The following SLC13A2 variants were observed in gnomAD, a reference collection of about 807,000 sequenced individuals.
The protein encoded by SLC13A2 is solute carrier family 13 member 2, also known as Na(+)-coupled citrate transporter.
A neutral mutation model predicts 58.5 loss-of-function variants in SLC13A2; 40 were observed. That is an observed-to-expected ratio of 0.68 (90% confidence interval 0.53 to 0.89). SLC13A2 has a LOEUF of 0.89. SLC13A2 is among the 40% of genes least tolerant of loss of function. SLC13A2 has a pLI of 0.00. For synonymous variants in SLC13A2, 341 were observed against 331.6 expected (o/e 1.03, Z -0.31); for missense variants, 694 against 772.6 (o/e 0.90, Z 1.21).
rs1267737398 is a variant in SLC13A2, at chr17:28,496,348, G to C, written c.1471-102G>C. 6.9e-7 allele frequency: 1 copy of C among 1,446,502 alleles called. No homozygotes were observed. Among genetic ancestry groups the C allele is most frequent in the East Asian group, 2.3e-5 (1 of 42,606 alleles). 89.6% of individuals were successfully genotyped at this position (1,446,502 alleles called of 1,614,324 possible). A position where few individuals can be genotyped will look rare whatever the true frequency, so the allele number is the denominator to read the frequency against. On this transcript the variant is annotated intron_variant, in intron 10 of 11. Transcript: ENST00000314669. The surrounding 1 kb of genome is among the most constrained non-coding windows in gnomAD (Gnocchi z 4.2). Reference sequence around the variant, plus strand: ...GCTCATGACCAGAGAGTGTATTAGGGTACAGGGGTTGTTCCCCAGAGAAGC... The same window carrying C: ...GCTCATGACCAGAGAGTGTATTAGGCTACAGGGGTTGTTCCCCAGAGAAGC...
chr17:28,475,164 G>C (rs898401820), intron 1 of SLC13A2, among the ~76,000 whole-genome samples: 1 of 152,184 alleles, frequency 6.6e-6, no homozygotes, highest in Non-Finnish European at 1.5e-5. Flanking sequence ...AATTCCCCTC[G>C]ACCTGGGGAA....
Position 28,494,388 on chromosome 17 carries a change from T to C in SLC13A2, c.1187-3T>C, listed in dbSNP as rs782216704. The C allele has an allele frequency of 1.9e-6, 3 of 1,614,088 alleles. No homozygotes were observed. The South Asian group carries it at 3.3e-5, about 18-fold the overall frequency. Reference sequence around the variant, plus strand: ...GACCCATCCTTCTCTGCTTGGGAAGTAGAAAACCCAGGGAAGCTGAAGGCC... The same window carrying C: ...GACCCATCCTTCTCTGCTTGGGAAGCAGAAAACCCAGGGAAGCTGAAGGCC... On this transcript the variant is annotated splice_polypyrimidine_tract_variant and splice_region_variant and intron_variant, in intron 8 of 11. Transcript: ENST00000314669. The surrounding 1 kb of genome is among the most constrained non-coding windows in gnomAD (Gnocchi z 4.0).
chr17:28,480,096 A>G (rs1230448373), intron 1 of SLC13A2, among the ~76,000 whole-genome samples: 1 of 151,732 alleles, frequency 6.6e-6, no homozygotes, highest in East Asian at 1.9e-4. Flanking sequence ...AGAGACTGCA[A>G]TGAGCCAAGA....
At chr17:28,475,740 C>T (rs1555599794) in intron 1 of SLC13A2, among the ~76,000 whole-genome samples, 1 of 152,172 alleles carries the variant, frequency 6.6e-6, no homozygotes, top group East Asian at 1.9e-4. Context: ...GCCGTGCTGT[C>T]TTCTCTTGGC....
intron 1 of SLC13A2, among the ~76,000 whole-genome samples, chr17:28,480,194 A>C (rs1012055093): frequency 6.6e-6 from 1 of 151,318 alleles, no homozygotes; most frequent in African/African-American, 2.4e-5. Flanking sequence ...TTAGCTGGGC[A>C]TGGTGGCGCG....
chr17:28,493,380 G>T (rs1246875754), intron 6 of SLC13A2, among the ~76,000 whole-genome samples, 191 bp from the exon 7 acceptor site: 1 of 152,202 alleles, frequency 6.6e-6, no homozygotes, highest in African/African-American at 2.4e-5. Context: ...CAAGCATGGA[G>T]AATAAGCAAG....
chr17:28,497,447 T>C lies in SLC13A2; in HGVS notation c.*178T>C, dbSNP rs782170696. The C allele has an allele frequency of 3.7e-5, 25 of 678,176 alleles. No homozygotes were observed. The highest frequency in any genetic ancestry group is 5.4e-5 in the Non-Finnish European group (22 of 409,364). The allele number at this position is 678,176 out of a possible 1,614,324, so 42.0% of individuals were successfully genotyped here. On this transcript the variant is annotated 3_prime_UTR_variant, in exon 12 of 12. Transcript: ENST00000314669. ...GGTGTATGCTCAGTTTCCTATGTGC[T>C]GGAATAAAAGGTGTGTGCATGTGTG... is the stretch of plus-strand genomic sequence containing the variant.
At chr17:28,479,107 G>A (rs1315712624) in intron 1 of SLC13A2, among the ~76,000 whole-genome samples, 3 of 152,124 alleles carry the variant, frequency 2.0e-5, no homozygotes, top group African/African-American at 7.2e-5. Flanking sequence ...CCACCTACTT[G>A]GGAGGCTGAG....
chr17:28,484,605 CA>C (rs1276995538), intron 1 of SLC13A2, among the ~76,000 whole-genome samples: 53 of 152,136 alleles, frequency 3.5e-4, no homozygotes, highest in African/African-American at 1.3e-3. Flanking sequence ...AGGGGAGGTG[CA>C]AATTAAACAG....
Position 28,493,673 on chromosome 17 carries a change from T to C in SLC13A2, c.981T>C (p.Phe327=), listed in dbSNP as rs2069075728. 6.2e-7 allele frequency: 1 copy of C among 1,614,146 alleles called. No homozygotes were observed. The highest frequency in any genetic ancestry group is 1.1e-5 in the South Asian group (1 of 91,092). ...TEHRLLGPMT[F]AEKAISILFV... is the part of the protein sequence containing the mutation. ...ACAGGCTGCTGGGCCCCATGACCTTTGCAGAAAAGGCCATCAGCATCCTAT... is the reference window on the plus strand; with the variant it reads ...ACAGGCTGCTGGGCCCCATGACCTTCGCAGAAAAGGCCATCAGCATCCTAT... Residue 327 remains phenylalanine, a synonymous_variant, in exon 7 of 12, where the codon TTT becomes TTC. Coordinates refer to ENST00000314669, the MANE Select transcript of SLC13A2 (RefSeq NM_003984.4).
rs1251199584 is a variant in SLC13A2 at position 28,477,186 on chromosome 17, G to GTTT, written c.102+3376_102+3378dup. Among the ~76,000 whole-genome samples the GTTT allele has an allele frequency of 2.8e-4, 33 of 119,428 alleles. 1 individual carries two copies. Among genetic ancestry groups the GTTT allele is most frequent in the African/African-American group, 6.5e-4 (19 of 29,362 alleles). 78.3% of individuals were successfully genotyped at this position (119,428 alleles called of 152,430 possible). A position where few individuals can be genotyped will look rare whatever the true frequency, so the allele number is the denominator to read the frequency against. ...AAAAAAACAAATAAAAAACACCCAA[G>GTTT]TTTTTTGTTTTTTTTTTTTTTTTTT... On this transcript the variant is annotated intron_variant, in intron 1 of 11. Coordinates refer to ENST00000314669, the MANE Select transcript of SLC13A2 (RefSeq NM_003984.4).
rs1339843881 is a variant in SLC13A2, at chr17:28,490,885, C to T, written c.553C>T (p.Gln185Ter). ...CTTCGAGCTCCAGGAACCAAGTCCC[C>T]AGAAGGAGGTGACCAAGCTTGGTGA... is the stretch of plus-strand genomic sequence containing the variant. Reference protein sequence around the residue: ...PTFELQEPSPQKEVTKLDNGQ... With the variant: ...PTFELQEPSP The change falls in exon 4 of 12, where the codon CAG becomes TAG. Residue 185 changes from glutamine (Q) to a stop codon, truncating the protein, a stop_gained. Coordinates refer to ENST00000314669, the MANE Select transcript of SLC13A2 (RefSeq NM_003984.4). LOFTEE classifies it high-confidence loss of function. The T allele has an allele frequency of 4.3e-6, 7 of 1,613,740 alleles. No individual in the cohort carries two copies. Among genetic ancestry groups the T allele is most frequent in the Non-Finnish European group, 5.1e-6 (6 of 1,179,930 alleles).
At position 28,491,425 on chromosome 17, in the gene SLC13A2, C is replaced by T; in HGVS notation, c.575-12C>T. The T allele has an allele frequency of 6.2e-7, 1 of 1,613,078 alleles. No homozygotes were observed. Among genetic ancestry groups the T allele is most frequent in the South Asian group, 1.1e-5 (1 of 90,990 alleles). On this transcript the variant is annotated splice_polypyrimidine_tract_variant and intron_variant, in intron 4 of 11. Coordinates refer to ENST00000314669, the MANE Select transcript of SLC13A2 (RefSeq NM_003984.4). Reference sequence around the variant, plus strand: ...TGTACCTGCCCCCACCTGGGCTCTCCCTTGTTCCCAGATAATGGGCAGGCC... The same window carrying T: ...TGTACCTGCCCCCACCTGGGCTCTCTCTTGTTCCCAGATAATGGGCAGGCC...
chr17:28,488,435 C>T (rs2068930347), intron 1 of SLC13A2, among the ~76,000 whole-genome samples: 1 of 152,208 alleles, frequency 6.6e-6, no homozygotes, highest in African/African-American at 2.4e-5. Context: ...GGGAAGCCTC[C>T]TGGCTAATGA....
chr17:28,489,843 C>A (rs9896507), intron 2 of SLC13A2, among the ~76,000 whole-genome samples: 7,969 of 152,242 alleles, frequency 0.052, 686 homozygotes, highest in African/African-American at 0.18. Context: ...TTTTAGAAAC[C>A]GCACTAAAGT....
chr17:28,490,999 C>T (rs1438285382), intron 4 of SLC13A2, 93 bp downstream of exon 4: 1 of 1,225,276 alleles, frequency 8.2e-7, no homozygotes, highest in Admixed American at 2.8e-5. Context: ...CATCTTGGAG[C>T]CTTTGGGGAG....
chr17:28,496,711 T>G lies in SLC13A2; in HGVS notation c.1608+124T>G. ...GAGTTGAGCGGGTCCTCATCTGGAA[T>G]GAAGGTGCAGTTGGGGAGGTTGGGA... On this transcript the variant is annotated intron_variant, in intron 11 of 11. Coordinates refer to ENST00000314669, the MANE Select transcript of SLC13A2 (RefSeq NM_003984.4). The surrounding 1 kb of genome is among the most constrained non-coding windows in gnomAD (Gnocchi z 4.2). 7.4e-7 allele frequency: 1 copy of G among 1,355,252 alleles called. No homozygotes were observed. Among genetic ancestry groups the G allele is most frequent in the Non-Finnish European group, 1.0e-6 (1 of 1,004,988 alleles). 84.0% of individuals were successfully genotyped at this position (1,355,252 alleles called of 1,614,324 possible). A position where few individuals can be genotyped will look rare whatever the true frequency, so the allele number is the denominator to read the frequency against.
rs782019000 is a variant in SLC13A2, at chr17:28,490,489, G to A, written c.267G>A (p.Leu89=). The change falls in exon 3 of 12, where the codon CTG becomes CTA. Residue 89 remains leucine (L), a synonymous_variant. Transcript: ENST00000314669. ...AGTATCTTAAGGACTCCAACCTCCT[G>A]TTCTTCGGGGGGCTGCTGGTGGCCA... The part of the protein sequence containing the change: ...AVEYLKDSNL[L]FFGGLLVAIA... 4 of 1,614,024 alleles carry A rather than the reference G, an allele frequency of 2.5e-6. No individual in the cohort carries two copies. The highest frequency in any genetic ancestry group is 1.1e-5 in the South Asian group (1 of 91,082).
chr17:28,476,784 A>G (rs1005438345), intron 1 of SLC13A2, among the ~76,000 whole-genome samples: 1 of 152,192 alleles, frequency 6.6e-6, no homozygotes, highest in Admixed American at 6.5e-5. Context: ...CTGCACTAGA[A>G]TGTCGGCTCC....
Sources: gnomAD v4.1 joint callset for allele counts (sites outside exome capture counted in the v4.1 genomes callset) on GRCh38, gnomAD v4.1.1 for gene constraint, Gnocchi (gnomAD v3.1) non-coding constraint, MANE v1.5 for transcripts, NCBI Gene and HGNC (gene_info 2026-07-23, HGNC 2026-07-21) for gene names.